LETM1: variants seen among roughly 807,000 people sequenced by gnomAD.
The protein encoded by LETM1 is mitochondrial proton/calcium exchanger protein.
In LETM1, 50 loss-of-function variants were observed where a neutral mutation model predicts 74.5. That is an observed-to-expected ratio of 0.67 (90% CI 0.53 to 0.85). The LOEUF (loss-of-function observed/expected upper bound fraction) is 0.85, where lower values mean the gene tolerates loss of function less well. LETM1 is among the 40% of genes least tolerant of loss of function. The probability of loss-of-function intolerance (pLI) is 0.00; values close to 1 mark genes in which losing one functional copy is unlikely to be tolerated. For synonymous variants in LETM1, 446 were observed against 407.1 expected, an observed-to-expected ratio of 1.10 and a Z score of -1.15; for missense variants, 824 against 967.8, an observed-to-expected ratio of 0.85 and a Z score of 1.97.
chr4:1,841,309 C>G, intron 3 of LETM1, 38 bp downstream of exon 3: 1 of 1,573,922 alleles, frequency 6.4e-7, no homozygotes, highest in Non-Finnish European at 8.7e-7. Context: ...GGTGATAGAG[C>G]AAGAAAGAAA....
intron 11 of LETM1, among the ~76,000 whole-genome samples, chr4:1,818,142 T>C (rs1263330766): frequency 2.0e-5 from 3 of 151,810 alleles, no homozygotes; most frequent in Non-Finnish European, 4.4e-5. Flanking sequence ...TGAGGAAGAA[T>C]GGGGAAGGCG....
chr4:1,837,699 GTT>G (rs1156556783), intron 3 of LETM1, among the ~76,000 whole-genome samples: 3,581 of 125,526 alleles, frequency 0.029, 66 homozygotes, highest in African/African-American at 0.1. Context: ...AAATTTACAA[GTT>G]TTTTTTTTTT....
intron 5 of LETM1, 132 bp from the exon 6 acceptor site, chr4:1,833,079 T>G: frequency 1.3e-6 from 1 of 753,316 alleles, no homozygotes; most frequent in Non-Finnish European, 2.2e-6. Context: ...TCTTCTTTTT[T>G]TTTTTTGTTT....
chr4:1,848,102 G>A (rs1295311218), intron 2 of LETM1, among the ~76,000 whole-genome samples: 1 of 151,924 alleles, frequency 6.6e-6, no homozygotes, highest in African/African-American at 2.4e-5. Flanking sequence ...GTTATTCGTG[G>A]ACCTTAAAGT....
In LETM1 at chr4:1,825,597, G is replaced by A. The variant is rs754358979; in HGVS notation, c.1167C>T (p.Val389=). The A allele has an allele frequency of 1.2e-5, 19 of 1,613,792 alleles. No individual in the cohort carries two copies. The highest frequency in any genetic ancestry group is 1.6e-5 in the Non-Finnish European group (19 of 1,179,800). The change falls in exon 7 of 14, where the codon GTC becomes GTT. Residue 389 remains valine, a synonymous_variant. Coordinates refer to ENST00000302787, the MANE Select transcript of LETM1 (RefSeq NM_012318.3). ...CRARGMRALG[V]TEDRLRGQLK... ...GCTGACCCCTCAGGCGGTCTTCCGT[G>A]ACGCCCAGGGCCCGCATGCCTCGTG...
At chr4:1,822,835 C>T in intron 9 of LETM1, 153 bp downstream of exon 9, 1 of 725,268 alleles carries the variant, frequency 1.4e-6, no homozygotes, top group Non-Finnish European at 1.9e-6. Context: ...CACCCGGGCA[C>T]CCTGCCTCCC....
intron 6 of LETM1, among the ~76,000 whole-genome samples, chr4:1,826,928 A>G (rs973681386): frequency 3.9e-5 from 6 of 152,106 alleles, no homozygotes; most frequent in African/African-American, 1.4e-4. Context: ...CACGAAGGCA[A>G]GTGCTGAAGC....
chr4:1,828,979 G>A (rs1252836511), intron 6 of LETM1, among the ~76,000 whole-genome samples: 6 of 110,978 alleles, frequency 5.4e-5, no homozygotes, highest in South Asian at 6.2e-4. Context: ...GCGGCTGGCC[G>A]GGCAGGGGGG....
At chr4:1,817,287 T>TGACTC (rs1205876462) in intron 11 of LETM1, among the ~76,000 whole-genome samples, 1 of 143,390 alleles carries the variant, frequency 7.0e-6, no homozygotes, top group Non-Finnish European at 1.5e-5. Flanking sequence ...TTGGGCACAG[T>TGACTC]GACTCATGCC....
intron 1 of LETM1, among the ~76,000 whole-genome samples, chr4:1,853,798 C>T (rs1051161675): frequency 1.2e-4 from 19 of 152,142 alleles, no homozygotes; most frequent in African/African-American, 4.1e-4. Context: ...GCACTCCACT[C>T]GGTGTATCAC....
intron 1 of LETM1, among the ~76,000 whole-genome samples, chr4:1,853,439 A>G (rs188321599): frequency 6.6e-6 from 1 of 152,364 alleles, no homozygotes. Context: ...TCGGCGGGAT[A>G]TGATAAGGAT....
chr4:1,838,126 G>GTC (rs1284490371), intron 3 of LETM1, among the ~76,000 whole-genome samples: 3 of 151,838 alleles, frequency 2.0e-5, no homozygotes, highest in Admixed American at 6.6e-5. Context: ...TTGAGATGGA[G>GTC]TCTCACTCTG....
In LETM1 at chr4:1,849,159, T is replaced by G; in HGVS notation, c.133A>C (p.Arg45=). 6.2e-7 allele frequency: 1 copy of G among 1,612,632 alleles called. No individual in the cohort carries two copies. Among genetic ancestry groups the G allele is most frequent in the Non-Finnish European group, 8.5e-7 (1 of 1,178,568 alleles). The change falls in exon 2 of 14, where the codon AGG becomes CGG. Residue 45 remains arginine (R), a synonymous_variant. Coordinates refer to ENST00000302787, the MANE Select transcript of LETM1 (RefSeq NM_012318.3). ...TACTGATTTACTCACAGGCAGTTCC[T>G]CAACCCCAGGGTGCTGGCACAGCTG... ...HLSCASTLGL[R]NCLNVPFGCC... is the part of the protein sequence containing the mutation.
intron 6 of LETM1, 35 bp downstream of exon 6, chr4:1,832,709 A>G (rs1297058668): frequency 1.3e-6 from 2 of 1,596,332 alleles, no homozygotes; most frequent in East Asian, 2.2e-5. Flanking sequence ...AAGGTAAAAC[A>G]CCAGAGCTGT....
intron 7 of LETM1, among the ~76,000 whole-genome samples, chr4:1,824,561 G>C (rs1711913563): frequency 1.3e-5 from 2 of 152,118 alleles, no homozygotes; most frequent in South Asian, 4.1e-4. Flanking sequence ...GCAACGCTGA[G>C]GAGAAGTGGG....
chr4:1,832,926 G>A lies in LETM1; in HGVS notation c.898C>T (p.Pro300Ser), dbSNP rs2108846393. ...AAACGCATGATTTCCTCATTGCTGG[G>A]CCTCTCCCCTGTTTCCCGGATCTGC... ...FQKIRETGER[P>S]SNEEIMRFSK... The change falls in exon 6 of 14, where the codon CCC becomes TCC. Residue 300 changes from proline to serine, a missense_variant. Transcript: ENST00000302787. 1.2e-6 allele frequency: 2 copies of A among 1,612,306 alleles called. No homozygotes were observed. The highest frequency in any genetic ancestry group is 1.7e-6 in the Non-Finnish European group (2 of 1,179,962).
chr4:1,853,434 G>A (rs888700488), intron 1 of LETM1, among the ~76,000 whole-genome samples: 5 of 152,234 alleles, frequency 3.3e-5, no homozygotes, highest in South Asian at 4.1e-4. Flanking sequence ...GAGCCTCGGC[G>A]GGATATGATA....
At position 1,841,599 on chromosome 4, in the gene LETM1, A is replaced by C. The variant is rs548720448; in HGVS notation, c.342T>G (p.Val114=). 2.4e-5 allele frequency: 38 copies of C among 1,614,234 alleles called. No individual in the cohort carries two copies. The South Asian group carries it at 4.2e-4, about 18-fold the overall frequency. ...PVRGWHSSRP[V]RDDSVVEKSL... ...ACTTCTCTACTACCGAGTCATCGCG[A>C]ACAGGGCGCGAAGAGTGCCAGCCAC... is the stretch of plus-strand genomic sequence containing the variant. The change falls in exon 3 of 14, where the codon GTT becomes GTG. Residue 114 remains valine, a synonymous_variant. Transcript: ENST00000302787.
Position 1,823,783 on chromosome 4 carries a change from C to T in LETM1, c.1201-8G>A, listed in dbSNP as rs1711883299. ...CAGGTGCAGGTCCAGCCACTGCAACCAAGGCCAGGTTCAGCAGATGGGCAG... is the reference window on the plus strand; with the variant it reads ...CAGGTGCAGGTCCAGCCACTGCAACTAAGGCCAGGTTCAGCAGATGGGCAG... On this transcript the variant is annotated splice_polypyrimidine_tract_variant and splice_region_variant and intron_variant, in intron 7 of 13. Coordinates refer to ENST00000302787, the MANE Select transcript of LETM1 (RefSeq NM_012318.3). The T allele has an allele frequency of 1.9e-6, 3 of 1,604,334 alleles. No homozygotes were observed. Among genetic ancestry groups the T allele is most frequent in the African/African-American group, 1.3e-5 (1 of 74,918 alleles).
Sources: gnomAD v4.1 joint callset for allele counts (sites outside exome capture counted in the v4.1 genomes callset) on GRCh38, gnomAD v4.1.1 for gene constraint, MANE v1.5 for transcripts, NCBI Gene and HGNC (gene_info 2026-07-23, HGNC 2026-07-21) for gene names.